The following CAST variants were observed in gnomAD, a reference collection of about 807,000 sequenced individuals.
The protein encoded by CAST is calpastatin, also known as MIR583 host.
CAST carries 76 observed loss-of-function variants against 119.6 expected under a neutral mutation model. The observed-to-expected ratio is 0.64, with a 90% CI of 0.53 to 0.77. CAST has a LOEUF of 0.77. CAST is among the 30% of genes least tolerant of loss of function. The pLI, the probability that CAST is intolerant of heterozygous loss-of-function variation, is 0.00. For missense variants in CAST, 953 were observed against 946.5 expected, an observed-to-expected ratio of 1.01 and a Z score of -0.09; for synonymous variants, 319 against 331.6, an observed-to-expected ratio of 0.96 and a Z score of 0.41.
At chr5:96,305,776 G>T in the CAST span, among the ~76,000 whole-genome samples, 1 of 151,388 alleles carries the variant, frequency 6.6e-6, no homozygotes, top group South Asian at 2.1e-4. Context: ...TGTATATTGA[G>T]CCAGCCTTGC....
rs758119141 is a variant in CAST at position 96,754,055 on chromosome 5, T to A, written c.1525-5T>A. On this transcript the variant is annotated splice_region_variant and splice_polypyrimidine_tract_variant and intron_variant, in intron 20 of 31. Transcript: ENST00000675179. ...TACTTAATATATCCACTAATGCACT[T>A]TCAGAAGGGCACAGTGCCAGATGAT... 1.5e-5 allele frequency: 24 copies of A among 1,597,204 alleles called. No homozygotes were observed. The Admixed American group carries it at 3.8e-4, about 26-fold the overall frequency.
At chr5:96,771,304 G>C (rs1772225244) in intron 30 of CAST, among the ~76,000 whole-genome samples, 1 of 152,042 alleles carries the variant, frequency 6.6e-6, no homozygotes, top group African/African-American at 2.4e-5. Flanking sequence ...TGGATTTACT[G>C]GACAGCCATG....
chr5:96,020,836 AC>A, the CAST span, among the ~76,000 whole-genome samples: 1 of 30,110 alleles, frequency 3.3e-5, no homozygotes, highest in Non-Finnish European at 7.3e-5. Context: ...CCCACCCCCC[AC>A]CCCCCAACCC....
chr5:96,077,235 CT>C, the CAST span, among the ~76,000 whole-genome samples: 1 of 152,012 alleles, frequency 6.6e-6, no homozygotes, highest in Non-Finnish European at 1.5e-5. Context: ...AGTTGAATTA[CT>C]TTTTCATGAA....
At chr5:96,206,807 T>C in the CAST span, among the ~76,000 whole-genome samples, 2 of 152,212 alleles carry the variant, frequency 1.3e-5, no homozygotes, top group South Asian at 4.1e-4. Context: ...TAGTTCTCTA[T>C]GAAGTTTAAA....
the CAST span, among the ~76,000 whole-genome samples, chr5:96,464,916 C>G: frequency 6.6e-6 from 1 of 151,994 alleles, no homozygotes; most frequent in Non-Finnish European, 1.5e-5. Context: ...CCACTTAAAT[C>G]TTAGGCACAG....
the CAST span, among the ~76,000 whole-genome samples, chr5:96,493,010 A>G: frequency 1.3e-5 from 2 of 152,216 alleles, no homozygotes; most frequent in Non-Finnish European, 2.9e-5. Context: ...AAAACAAACA[A>G]AAAAATACTT....
intron 1 of CAST, among the ~76,000 whole-genome samples, chr5:96,563,577 A>C (rs945991471): frequency 1.3e-5 from 2 of 152,176 alleles, no homozygotes; most frequent in Non-Finnish European, 2.9e-5. Flanking sequence ...TGGAAGTGGG[A>C]GTGAAACATA....
At chr5:96,059,253 G>A in the CAST span, among the ~76,000 whole-genome samples, 1 of 152,116 alleles carries the variant, frequency 6.6e-6, no homozygotes, top group Non-Finnish European at 1.5e-5. Flanking sequence ...AAGGGACTAA[G>A]CCATGGAGCT....
At chr5:96,730,067 TG>T (rs1356767746) in intron 8 of CAST, among the ~76,000 whole-genome samples, 4 of 152,174 alleles carry the variant, frequency 2.6e-5, no homozygotes, top group Non-Finnish European at 1.5e-5. Flanking sequence ...CCCCCACACC[TG>T]GGCTGGGGAA....
chr5:96,464,776 C>A, the CAST span, among the ~76,000 whole-genome samples: 2 of 152,032 alleles, frequency 1.3e-5, no homozygotes, highest in African/African-American at 4.8e-5. Context: ...AACACCTGGG[C>A]AGTCATTAAA....
the CAST span, among the ~76,000 whole-genome samples, chr5:96,002,565 C>T: frequency 6.6e-6 from 1 of 152,112 alleles, no homozygotes; most frequent in African/African-American, 2.4e-5. Flanking sequence ...CATCCATTGC[C>T]ACCAATCTTT....
At chr5:96,338,570 T>G in the CAST span, among the ~76,000 whole-genome samples, 5 of 152,168 alleles carry the variant, frequency 3.3e-5, no homozygotes, top group Non-Finnish European at 7.4e-5. Context: ...CCCAAACAAC[T>G]TTGCTCTGAG....
intron 1 of CAST, among the ~76,000 whole-genome samples, chr5:96,563,528 G>T (rs1746419192): frequency 6.6e-6 from 1 of 152,084 alleles, no homozygotes; most frequent in African/African-American, 2.4e-5. Flanking sequence ...AATTGGCAAT[G>T]GTAGTTTTCT....
the CAST span, among the ~76,000 whole-genome samples, chr5:96,164,480 T>C: frequency 1.3e-5 from 2 of 152,222 alleles, no homozygotes; most frequent in Non-Finnish European, 2.9e-5. Flanking sequence ...TCTGAAATAA[T>C]GGAACCCATA....
the CAST span, among the ~76,000 whole-genome samples, chr5:96,491,138 T>C: frequency 1.3e-5 from 2 of 151,694 alleles, no homozygotes; most frequent in East Asian, 3.9e-4. Flanking sequence ...TAGCCAGAAA[T>C]TGCAAATTAA....
chr5:96,062,986 C>T, the CAST span, among the ~76,000 whole-genome samples: 1 of 152,098 alleles, frequency 6.6e-6, no homozygotes, highest in Non-Finnish European at 1.5e-5. Context: ...GTGGTCTTGA[C>T]ACCAGCTGCC....
At chr5:96,206,157 G>A in the CAST span, among the ~76,000 whole-genome samples, 1 of 151,648 alleles carries the variant, frequency 6.6e-6, no homozygotes, top group African/African-American at 2.4e-5. Context: ...TTTTAATGGT[G>A]TTATTTGTTT....
At chr5:96,730,908 G>A (rs1295369701) in intron 9 of CAST, 48 bp downstream of exon 9, 2 of 1,380,752 alleles carry the variant, frequency 1.4e-6, no homozygotes, top group South Asian at 2.3e-5. Context: ...TGCTTCTCAA[G>A]TTTCTTTTAT....
Sources: gnomAD v4.1 joint callset for allele counts (sites outside exome capture counted in the v4.1 genomes callset) on GRCh38, gnomAD v4.1.1 for gene constraint, MANE v1.5 for transcripts, NCBI Gene and HGNC (gene_info 2026-07-23, HGNC 2026-07-21) for gene names.